LRP11: variants seen among roughly 807,000 people sequenced by gnomAD.
The protein encoded by LRP11 is low-density lipoprotein receptor-related protein 11.
A neutral mutation model predicts 43.1 loss-of-function variants in LRP11; 25 were observed. That is an observed-to-expected ratio of 0.58 (90% CI 0.42 to 0.81). LRP11 has a LOEUF of 0.81. Among genes scored for constraint, LRP11 ranks in the 30% least tolerant of loss-of-function variants. LRP11 has a pLI of 0.00. For missense variants in LRP11, 623 were observed against 665.1 expected (o/e 0.94, Z 0.70); for synonymous variants, 316 against 299.4 (o/e 1.06, Z -0.57).
chr6:149,854,586 C>A (rs1776771468), intron 1 of LRP11, among the ~76,000 whole-genome samples: 1 of 152,182 alleles, frequency 6.6e-6, no homozygotes, highest in Non-Finnish European at 1.5e-5. Context: ...TTAGTAAATT[C>A]ACCCAAATGC....
chr6:149,823,162 G>A (rs1355700574), intron 6 of LRP11, among the ~76,000 whole-genome samples: 4 of 152,172 alleles, frequency 2.6e-5, no homozygotes, highest in Non-Finnish European at 5.9e-5. Context: ...GGAAAGAGAC[G>A]TCCAAGAAGA....
intron 5 of LRP11, among the ~76,000 whole-genome samples, chr6:149,833,776 C>G (rs1246210608): frequency 6.6e-6 from 1 of 152,170 alleles, no homozygotes; most frequent in East Asian, 1.9e-4. Flanking sequence ...GGCTGATTAT[C>G]AAAAAGCAAA....
chr6:149,856,147 A>T (rs1776795938), intron 1 of LRP11, among the ~76,000 whole-genome samples: 1 of 152,254 alleles, frequency 6.6e-6, no homozygotes, highest in Admixed American at 6.5e-5. Context: ...GACAAATGAA[A>T]ATATGTCTAT....
At chr6:149,852,449 C>G (rs1776734167) in intron 2 of LRP11, 1 of 152,276 alleles carries the variant, frequency 6.6e-6, no homozygotes, top group Admixed American at 6.5e-5. Flanking sequence ...AGCCACATGG[C>G]TGATTTCCAT....
chr6:149,840,332 A>G (rs1288063828), intron 3 of LRP11, among the ~76,000 whole-genome samples: 2 of 152,200 alleles, frequency 1.3e-5, no homozygotes, highest in African/African-American at 4.8e-5. Flanking sequence ...GACAGCAGTT[A>G]GTACTTCACC....
intron 1 of LRP11, among the ~76,000 whole-genome samples, chr6:149,858,443 T>C (rs1473393930): frequency 1.3e-5 from 2 of 152,194 alleles, no homozygotes; most frequent in Non-Finnish European, 2.9e-5. Context: ...TCCAGTCTAT[T>C]ATTAATGGAC....
chr6:149,846,745 C>A (rs931797431), intron 2 of LRP11, among the ~76,000 whole-genome samples: 2 of 152,040 alleles, frequency 1.3e-5, no homozygotes, highest in Non-Finnish European at 2.9e-5. Flanking sequence ...TGAGACCAGC[C>A]TGGCCAACAA....
In LRP11 at chr6:149,854,423, C is replaced by T. The variant is rs534726796; in HGVS notation, c.614-1263G>A. On this transcript the variant is annotated intron_variant, in intron 1 of 6. Coordinates refer to ENST00000239367, the MANE Select transcript of LRP11 (RefSeq NM_032832.6). Reference sequence around the variant, plus strand: ...CACCCAGCCTATATTTACCTTTAACCTAGAATGGTACTAAATAATATAAGG... The same window carrying T: ...CACCCAGCCTATATTTACCTTTAACTTAGAATGGTACTAAATAATATAAGG... Among the ~76,000 whole-genome samples, 11 of 152,234 alleles carry T rather than the reference C, an allele frequency of 7.2e-5. No individual in the cohort carries two copies. The South Asian group carries it at 2.1e-3, about 29-fold the overall frequency.
chr6:149,839,472 G>A (rs536850091), intron 3 of LRP11, among the ~76,000 whole-genome samples: 1 of 152,242 alleles, frequency 6.6e-6, no homozygotes, highest in East Asian at 1.9e-4. Flanking sequence ...TTCCTCGTCA[G>A]GTTTCTTAAA....
intron 5 of LRP11, among the ~76,000 whole-genome samples, chr6:149,829,990 TG>T (rs1255171969): frequency 1.3e-5 from 2 of 151,438 alleles, no homozygotes; most frequent in East Asian, 3.9e-4. Context: ...AGCCATATTA[TG>T]AGAGATTATT....
rs191746083 is a variant in LRP11, at chr6:149,842,301, G to T, written c.913+682C>A. Among the ~76,000 whole-genome samples, 801 of 152,070 alleles carry T rather than the reference G, an allele frequency of 5.3e-3. 5 individuals carry two copies. The highest frequency in any genetic ancestry group is 0.018 in the African/African-American group (763 of 41,474). On this transcript the variant is annotated intron_variant, in intron 3 of 6. Transcript: ENST00000239367. Reference sequence around the variant, plus strand: ...ACAAAAGAGGAGAGTATATATTTATGAGGCACAATGTGATGTTTTGATATA... The same window carrying T: ...ACAAAAGAGGAGAGTATATATTTATTAGGCACAATGTGATGTTTTGATATA...
intron 1 of LRP11, among the ~76,000 whole-genome samples, chr6:149,859,959 T>C (rs1776867140): frequency 6.6e-6 from 1 of 152,000 alleles, no homozygotes; most frequent in Non-Finnish European, 1.5e-5. Flanking sequence ...ATGGTCAGAG[T>C]TGTAGGTCTA....
chr6:149,828,262 G>T (rs796069931), intron 5 of LRP11, among the ~76,000 whole-genome samples: 10 of 151,988 alleles, frequency 6.6e-5, no homozygotes, highest in African/African-American at 2.2e-4. Context: ...GTAAACATCT[G>T]CTGACATAGG....
At chr6:149,831,990 C>T (rs1776413474) in intron 5 of LRP11, among the ~76,000 whole-genome samples, 1 of 152,088 alleles carries the variant, frequency 6.6e-6, no homozygotes, top group Admixed American at 6.5e-5. Flanking sequence ...CCTTCAGAAA[C>T]TGGCCTCTGG....
chr6:149,826,204 G>C, intron 6 of LRP11, 60 bp downstream of exon 6: 2 of 1,269,650 alleles, frequency 1.6e-6, no homozygotes, highest in Non-Finnish European at 1.2e-6. Context: ...TCCTCAGCCA[G>C]AGGGCATGCA....
At chr6:149,822,983 G>A (rs1177659126) in intron 6 of LRP11, among the ~76,000 whole-genome samples, 1 of 152,080 alleles carries the variant, frequency 6.6e-6, no homozygotes, top group East Asian at 1.9e-4. Context: ...ATAGGGGTTA[G>A]GACAGCCAGA....
At position 149,864,260 on chromosome 6, in the gene LRP11, G is replaced by T; in HGVS notation, c.-240C>A. 1 of 1,075,482 alleles carries T rather than the reference G, an allele frequency of 9.3e-7. No homozygotes were observed. 66.6% of individuals were successfully genotyped at this position (1,075,482 alleles called of 1,614,324 possible). On this transcript the variant is annotated 5_prime_UTR_variant, in exon 1 of 7. Coordinates refer to ENST00000239367, the MANE Select transcript of LRP11 (RefSeq NM_032832.6). ...GGCACCGCTCCTTGCCCTCGCCGGA[G>T]ACTGCCCAGCGCCCTGCGCCTCTCC...
At chr6:149,859,095 T>C (rs759354201) in intron 1 of LRP11, among the ~76,000 whole-genome samples, 76 of 151,994 alleles carry the variant, frequency 5.0e-4, no homozygotes, top group Admixed American at 1.5e-3. Context: ...AAGTATGAAA[T>C]GAATATTTTA....
At chr6:149,843,420 CCGTCTCAGCAGGGGGA>C (rs1193203033) in intron 2 of LRP11, among the ~76,000 whole-genome samples, 4 of 152,186 alleles carry the variant, frequency 2.6e-5, no homozygotes, top group Non-Finnish European at 4.4e-5. Context: ...CCAGGCCCTG[CCGTCTCAGCAGGGGGA>C]CTCATCAGCT....
Sources: allele counts gnomAD v4.1 joint callset (sites outside exome capture counted in the v4.1 genomes callset), GRCh38; gene constraint gnomAD v4.1.1; transcripts MANE v1.5; gene names NCBI Gene and HGNC (gene_info 2026-07-23, HGNC 2026-07-21).